The following DLST variants were observed in gnomAD, a reference collection of about 807,000 sequenced individuals.
DLST encodes the protein dihydrolipoyllysine-residue succinyltransferase component of 2-oxoglutarate dehydrogenase complex, mitochondrial.
In DLST, 17 loss-of-function variants were observed where a neutral mutation model predicts 53.1. That is an observed-to-expected ratio of 0.32 (90% confidence interval 0.22 to 0.48). The LOEUF is 0.48. Ranked by LOEUF, DLST falls within the 20% of genes least tolerant of loss-of-function variation. The pLI is 0.99. For synonymous variants in DLST, 206 were observed against 204.8 expected, an observed-to-expected ratio of 1.01 and a Z score of -0.05; for missense variants, 512 against 583.9, an observed-to-expected ratio of 0.88 and a Z score of 1.27.
intron 6 of DLST, 67 bp from the exon 7 acceptor site, chr14:74,890,989 T>G: frequency 1.3e-6 from 2 of 1,561,270 alleles, no homozygotes; most frequent in Non-Finnish European, 1.7e-6. Flanking sequence ...CATTGGAGAT[T>G]CTATACAGCT....
intron 2 of DLST, among the ~76,000 whole-genome samples, chr14:74,884,465 C>T (rs1049079665): frequency 1.3e-5 from 2 of 152,118 alleles, no homozygotes; most frequent in African/African-American, 2.4e-5. Context: ...TTGGGCTAGT[C>T]GCTTAACCTC....
At chr14:74,901,757 T>C (rs1450619182) in intron 14 of DLST, among the ~76,000 whole-genome samples, 2 of 152,204 alleles carry the variant, frequency 1.3e-5, no homozygotes, top group Non-Finnish European at 2.9e-5. Flanking sequence ...CTGACTCCTG[T>C]GTGAAACCAC....
At chr14:74,896,939 G>T (rs926698457) in intron 10 of DLST, among the ~76,000 whole-genome samples, 45 of 152,328 alleles carry the variant, frequency 3.0e-4, no homozygotes, top group African/African-American at 1.0e-3. Flanking sequence ...GGTTTAGATC[G>T]AGTGCCCTTT....
chr14:74,898,366 C>T lies in DLST; in HGVS notation c.771-3C>T. 6.2e-7 allele frequency: 1 copy of T among 1,609,234 alleles called. No individual in the cohort carries two copies. The highest frequency in any genetic ancestry group is 8.5e-7 in the Non-Finnish European group (1 of 1,178,840). ...GTCAGTTTGTTTTGTAATATTTTCA[C>T]AGTAACATCCAGGAGATGAGGGCTC... On this transcript the variant is annotated splice_polypyrimidine_tract_variant and splice_region_variant and intron_variant, in intron 10 of 14. Coordinates refer to ENST00000334220, the MANE Select transcript of DLST (RefSeq NM_001933.5).
At chr14:74,883,278 G>A (rs1220963842) in intron 2 of DLST, among the ~76,000 whole-genome samples, 3 of 144,598 alleles carry the variant, frequency 2.1e-5, no homozygotes, top group Non-Finnish European at 3.0e-5. Flanking sequence ...CTGGGCGACA[G>A]AGCGAGACTC....
chr14:74,891,311 T>C (rs1220202014), intron 7 of DLST, 144 bp downstream of exon 7: 50 of 1,441,094 alleles, frequency 3.5e-5, no homozygotes, highest in Non-Finnish European at 6.4e-6. Flanking sequence ...TAAATTTATA[T>C]ATAGTGTGAA....
intron 11 of DLST, among the ~76,000 whole-genome samples, chr14:74,898,850 G>A (rs535760426): frequency 6.6e-6 from 1 of 152,286 alleles, no homozygotes; most frequent in East Asian, 1.9e-4. Flanking sequence ...GTTACCTTGG[G>A]GCCTGACTTC....
Position 74,889,096 on chromosome 14 carries a change from A to G in DLST, c.148A>G (p.Ile50Val). The change falls in exon 4 of 15, where the codon ATT becomes GTT. Residue 50 changes from isoleucine to valine, a missense_variant and splice_region_variant. Ile to Val is a conservative substitution (Grantham distance 29). Transcript: ENST00000334220. ...AGTTAACGTGTGTTTCTTTTGTAGC[A>G]TTAACAACAGTGTCTTCAGTGTTCG... is the stretch of plus-strand genomic sequence containing the variant. ...PGYPNSRKVV[I>V]NNSVFSVRFF... 6.2e-7 allele frequency: 1 copy of G among 1,614,144 alleles called. No homozygotes were observed. The highest frequency in any genetic ancestry group is 8.5e-7 in the Non-Finnish European group (1 of 1,180,034).
intron 10 of DLST, among the ~76,000 whole-genome samples, chr14:74,894,722 T>C (rs1392787240): frequency 6.6e-6 from 1 of 151,598 alleles, no homozygotes; most frequent in Non-Finnish European, 1.5e-5. Context: ...ATTTTTTGTA[T>C]TTTTTTAGTG....
chr14:74,902,098 T>C, intron 14 of DLST, 98 bp from the exon 15 acceptor site: 1 of 1,307,570 alleles, frequency 7.6e-7, no homozygotes, highest in East Asian at 2.7e-5. Context: ...GGAAAGGCTC[T>C]GGAATTAGGA....
chr14:74,899,374 A>G (rs2140202441), intron 11 of DLST, among the ~76,000 whole-genome samples: 1 of 151,976 alleles, frequency 6.6e-6, no homozygotes, highest in East Asian at 1.9e-4. Context: ...AATGATTCCC[A>G]AGCCTTTATT....
At chr14:74,896,066 A>G (rs1481649403) in intron 10 of DLST, among the ~76,000 whole-genome samples, 1 of 152,130 alleles carries the variant, frequency 6.6e-6, no homozygotes, top group Non-Finnish European at 1.5e-5. Context: ...TGTGTTGCCT[A>G]GGCTGGTCTC....
At position 74,882,022 on chromosome 14, in the gene DLST, G is replaced by A; in HGVS notation, c.63+6G>A. 1 of 1,555,886 alleles carries A rather than the reference G, an allele frequency of 6.4e-7. No individual in the cohort carries two copies. Among genetic ancestry groups the A allele is most frequent in the East Asian group, 2.5e-5 (1 of 40,094 alleles). ...CGCTCTCCGCCTTCCAGAAGGTACG[G>A]TCTGGCCGAGCCGGGGCCCCGACGG... On this transcript the variant is annotated splice_donor_region_variant and intron_variant, in intron 1 of 14. Coordinates refer to ENST00000334220, the MANE Select transcript of DLST (RefSeq NM_001933.5).
rs1884140815 is a variant in DLST, at chr14:74,898,471, C to T, written c.873C>T (p.Ala291=). The change falls in exon 11 of 15, where the codon GCC becomes GCT. Residue 291 remains alanine, a synonymous_variant. Coordinates refer to ENST00000334220, the MANE Select transcript of DLST (RefSeq NM_001933.5). ...CATTTGTGAAGGCCTCAGCCTTTGC[C>T]TTGCAGGAACAGCCTGTTGTAAATG... ...MSAFVKASAF[A]LQEQPVVNAV... 3 of 1,614,158 alleles carry T rather than the reference C, an allele frequency of 1.9e-6. No individual in the cohort carries two copies. In the South Asian group the frequency reaches 3.3e-5, roughly 18 times the overall value.
At chr14:74,893,570 A>G (rs1210825847) in intron 9 of DLST, 146 bp downstream of exon 9, 4 of 801,500 alleles carry the variant, frequency 5.0e-6, no homozygotes, top group East Asian at 5.3e-5. Flanking sequence ...TAACTTCTTC[A>G]TAGTCACATA....
chr14:74,891,405 C>T (rs1883903103), intron 7 of DLST: 4 of 1,175,376 alleles, frequency 3.4e-6, no homozygotes, highest in Non-Finnish European at 4.2e-6. Flanking sequence ...TGTTTCTTAG[C>T]AGGAGCTGAG....
Position 74,899,916 on chromosome 14 carries a change from C to G in DLST, c.902-7C>G, listed in dbSNP as rs765631068. 1 of 1,609,984 alleles carries G rather than the reference C, an allele frequency of 6.2e-7. No individual in the cohort carries two copies. The highest frequency in any genetic ancestry group is 2.2e-5 in the East Asian group (1 of 44,858). On this transcript the variant is annotated splice_polypyrimidine_tract_variant and splice_region_variant and intron_variant, in intron 11 of 14. Transcript: ENST00000334220. ...GTTGTATGTAACATGTATTTTCTCT[C>G]TCATAGTGATTGACGACACAACCAA...
chr14:74,887,840 T>C (rs1883760260), intron 3 of DLST, among the ~76,000 whole-genome samples: 1 of 152,276 alleles, frequency 6.6e-6, no homozygotes, highest in Non-Finnish European at 1.5e-5. Flanking sequence ...CATTTTTTCT[T>C]GGTTATACAT....
At chr14:74,893,013 G>A in intron 8 of DLST, 27 bp downstream of exon 8, 2 of 1,602,380 alleles carry the variant, frequency 1.2e-6, no homozygotes, top group Non-Finnish European at 1.7e-6. Context: ...CACATGTCAT[G>A]TGGGAGAACA....
Sources: gnomAD v4.1 joint callset for allele counts (sites outside exome capture counted in the v4.1 genomes callset) on GRCh38, gnomAD v4.1.1 for gene constraint, MANE v1.5 for transcripts, NCBI Gene and HGNC (gene_info 2026-07-23, HGNC 2026-07-21) for gene names.